The following LGR6 variants were observed in gnomAD, a reference collection of about 807,000 sequenced individuals.
The protein encoded by LGR6 is leucine rich repeat containing G protein-coupled receptor 6.
Under a neutral mutation model 69.4 loss-of-function variants are expected in LGR6, and 45 were observed. The observed-to-expected ratio is 0.65, with a 90% CI of 0.51 to 0.83. The LOEUF (loss-of-function observed/expected upper bound fraction) is 0.83. LGR6 is among the 40% of genes least tolerant of loss of function. LGR6 has a pLI of 0.00. For missense variants in LGR6, 1,108 were observed against 1,246.7 expected (o/e 0.89, Z 1.68); for synonymous variants, 538 against 555.0 (o/e 0.97, Z 0.43).
At chr1:202,227,883 C>T (rs2167589) in intron 2 of LGR6, 53 bp from the exon 3 acceptor site, 19,533 of 1,300,438 alleles carry the variant, frequency 0.015, 181 homozygotes, top group Non-Finnish European at 0.018. Flanking sequence ...ATGGAGGTCA[C>T]CACCTCCTTG....
At chr1:202,210,112 G>T (rs1166541342) in intron 1 of LGR6, among the ~76,000 whole-genome samples, 1 of 152,208 alleles carries the variant, frequency 6.6e-6, no homozygotes, top group African/African-American at 2.4e-5. Flanking sequence ...GTAAGGGGCT[G>T]ACTGAGATGT....
intron 15 of LGR6, among the ~76,000 whole-genome samples, chr1:202,309,780 A>G (rs575533624): frequency 1.3e-4 from 20 of 152,374 alleles, no homozygotes; most frequent in African/African-American, 4.6e-4. Context: ...ACTGAGGGCC[A>G]GAGTGAAGAA....
chr1:202,258,297 A>G (rs1663951509), intron 4 of LGR6, among the ~76,000 whole-genome samples: 1 of 152,022 alleles, frequency 6.6e-6, no homozygotes, highest in Non-Finnish European at 1.5e-5. Context: ...TTATTATATG[A>G]CATGAACTTT....
At chr1:202,222,677 C>T (rs79027022) in intron 1 of LGR6, among the ~76,000 whole-genome samples, 2,738 of 152,286 alleles carry the variant, frequency 0.018, 41 homozygotes, top group Non-Finnish European at 0.027. Flanking sequence ...CCAGCTTCTG[C>T]GCTTGGGTTT....
At chr1:202,237,315 G>A (rs1202786205) in intron 4 of LGR6, among the ~76,000 whole-genome samples, 1 of 152,234 alleles carries the variant, frequency 6.6e-6, no homozygotes, top group East Asian at 1.9e-4. Context: ...CAGAGGCCAG[G>A]CAAGCCTGTG....
chr1:202,302,081 A>G (rs1384947841), intron 9 of LGR6, among the ~76,000 whole-genome samples: 8 of 152,178 alleles, frequency 5.3e-5, no homozygotes, highest in Non-Finnish European at 1.2e-4. Context: ...CAGCTAAGCT[A>G]CTTGGGAGAC....
At chr1:202,207,079 A>G (rs1232661900) in intron 1 of LGR6, among the ~76,000 whole-genome samples, 1 of 151,938 alleles carries the variant, frequency 6.6e-6, no homozygotes, top group Non-Finnish European at 1.5e-5. Flanking sequence ...CACCATGCCC[A>G]GCTAATTTTT....
intron 1 of LGR6, chr1:202,194,569 G>A: frequency 1.8e-6 from 1 of 568,180 alleles, no homozygotes; most frequent in Non-Finnish European, 3.5e-6. Flanking sequence ...CGGGATGGTG[G>A]CTGAGGGTAA....
At chr1:202,230,259 C>T (rs966609885) in intron 3 of LGR6, among the ~76,000 whole-genome samples, 1 of 152,150 alleles carries the variant, frequency 6.6e-6, no homozygotes, top group Non-Finnish European at 1.5e-5. Context: ...CCACACCCCC[C>T]CACACCCCCA....
intron 4 of LGR6, among the ~76,000 whole-genome samples, chr1:202,273,229 C>T (rs1034737187): frequency 6.6e-6 from 1 of 152,104 alleles, no homozygotes; most frequent in Non-Finnish European, 1.5e-5. Flanking sequence ...TAAATGGAGA[C>T]AGTGATTATT....
intron 4 of LGR6, among the ~76,000 whole-genome samples, chr1:202,259,371 T>C (rs1558042733): frequency 6.6e-6 from 1 of 152,190 alleles, no homozygotes; most frequent in South Asian, 2.1e-4. Context: ...AAAAATTTAC[T>C]GACAAATTTC....
At chr1:202,215,078 TA>T (rs1461455547) in intron 1 of LGR6, among the ~76,000 whole-genome samples, 1 of 112,482 alleles carries the variant, frequency 8.9e-6, no homozygotes, top group African/African-American at 3.4e-5. Flanking sequence ...TGCTCTGATG[TA>T]AAAGAAAAGC....
At chr1:202,202,328 C>T (rs2147892120) in intron 1 of LGR6, among the ~76,000 whole-genome samples, 1 of 152,316 alleles carries the variant, frequency 6.6e-6, no homozygotes, top group South Asian at 2.1e-4. Context: ...CACACAAACG[C>T]AATCCAAGGT....
At chr1:202,304,493 A>G (rs1179473175) in intron 10 of LGR6, 66 bp from the exon 11 acceptor site, 2 of 1,169,016 alleles carry the variant, frequency 1.7e-6, no homozygotes, top group African/African-American at 1.5e-5. Flanking sequence ...CCAGAGCTGG[A>G]GCGGGGTGGC....
At chr1:202,271,088 G>A (rs1008193332) in intron 4 of LGR6, among the ~76,000 whole-genome samples, 1 of 152,180 alleles carries the variant, frequency 6.6e-6, no homozygotes, top group Admixed American at 6.5e-5. Flanking sequence ...AACGAGAGGC[G>A]CTGCTGGGGG....
chr1:202,205,198 CAT>C (rs753142498), intron 1 of LGR6, among the ~76,000 whole-genome samples: 15 of 9,224 alleles, frequency 1.6e-3, no homozygotes, highest in Non-Finnish European at 2.6e-3. Context: ...CCTCGAAACA[CAT>C]GTCCTTCAAA....
intron 10 of LGR6, among the ~76,000 whole-genome samples, chr1:202,303,643 G>A (rs1422535352): frequency 6.6e-6 from 1 of 152,244 alleles, no homozygotes; most frequent in African/African-American, 2.4e-5. Context: ...GAGGGTTGAA[G>A]TGATGGAGAG....
intron 6 of LGR6, among the ~76,000 whole-genome samples, chr1:202,297,130 T>C (rs1455351415): frequency 6.6e-6 from 1 of 152,198 alleles, no homozygotes; most frequent in Non-Finnish European, 1.5e-5. Context: ...CTGGAATCCC[T>C]AGTGCTGGTT....
At chr1:202,239,022 G>T (rs1661897925) in intron 4 of LGR6, among the ~76,000 whole-genome samples, 1 of 152,154 alleles carries the variant, frequency 6.6e-6, no homozygotes, top group African/African-American at 2.4e-5. Context: ...AGTGAGGACG[G>T]GGCAGGGGTT....
Sources: allele counts gnomAD v4.1 joint callset (sites outside exome capture counted in the v4.1 genomes callset), GRCh38; gene constraint gnomAD v4.1.1; transcripts MANE v1.5; gene names NCBI Gene and HGNC (gene_info 2026-07-23, HGNC 2026-07-21).